IMMP2L: variants seen among roughly 807,000 people sequenced by gnomAD.
The protein encoded by IMMP2L is mitochondrial inner membrane protease subunit 2.
Under a neutral mutation model 19.3 loss-of-function variants are expected in IMMP2L, and 18 were observed. The ratio of observed to expected loss-of-function variants is 0.93; its 90% confidence interval spans 0.64 to 1.38. IMMP2L has a LOEUF of 1.38. Among genes scored for constraint, IMMP2L ranks in the 40% most tolerant of loss-of-function variants. The pLI is 0.00. For synonymous variants in IMMP2L, 76 were observed against 73.0 expected (o/e 1.04, Z -0.21); for missense variants, 233 against 218.2 (o/e 1.07, Z -0.43).
chr7:110,770,827 G>T (rs1487117614), intron 5 of IMMP2L, among the ~76,000 whole-genome samples: 1 of 152,130 alleles, frequency 6.6e-6, no homozygotes, highest in East Asian at 1.9e-4. Flanking sequence ...AGGAAGACTT[G>T]GGGTTCCTGT....
At chr7:110,776,376 TTCCATGAACGAG>T (rs1799389719) in intron 5 of IMMP2L, among the ~76,000 whole-genome samples, 1 of 151,988 alleles carries the variant, frequency 6.6e-6, no homozygotes, top group Non-Finnish European at 1.5e-5. Flanking sequence ...TATCTCTACG[TTCCATGAACGAG>T]AGTCCAGCAG....
At chr7:111,354,442 A>G (rs74503111) in intron 3 of IMMP2L, among the ~76,000 whole-genome samples, 4,875 of 152,018 alleles carry the variant, frequency 0.032, 259 homozygotes, top group African/African-American at 0.11. Context: ...GGAAATAGAC[A>G]GGAAAAATCT....
rs554847809 is a variant in IMMP2L, at chr7:110,851,667, C to T, written c.408+34926G>A. The stretch of plus-strand genomic sequence containing the variant: ...AAATGAGGCAAGAAAGCCACTTACC[C>T]TCTAGGATTGAACTAACTCACAAAA... On this transcript the variant is annotated intron_variant, in intron 5 of 5. Coordinates refer to ENST00000405709, the MANE Select transcript of IMMP2L (RefSeq NM_032549.4). Among the ~76,000 whole-genome samples, 10 of 152,198 alleles carry T rather than the reference C, an allele frequency of 6.6e-5. No individual in the cohort carries two copies. The South Asian group carries it at 1.2e-3, about 19-fold the overall frequency.
Position 111,231,669 on chromosome 7 carries a change from T to C in IMMP2L, c.239+255569A>G, listed in dbSNP as rs535300208. 1.4e-3 allele frequency among the ~76,000 whole-genome samples: 217 copies of C among 152,074 alleles called. 2 individuals carry two copies. Among genetic ancestry groups the C allele is most frequent in the Non-Finnish European group, 1.9e-3 (131 of 67,968 alleles). On this transcript the variant is annotated intron_variant, in intron 3 of 5. Transcript: ENST00000405709. ...TATTTTATCTACCAAGAGCAACACA[T>C]ATGTTAGGGGCTTAGTAAATATTTT... is the stretch of plus-strand genomic sequence containing the variant.
At chr7:110,795,005 G>C (rs971960977) in intron 5 of IMMP2L, among the ~76,000 whole-genome samples, 2 of 152,036 alleles carry the variant, frequency 1.3e-5, no homozygotes, top group African/African-American at 4.8e-5. Context: ...CTTTCCTCTG[G>C]TTCAGATACA....
rs1452022759 is a variant in IMMP2L, at chr7:111,240,410, T to C, written c.239+246828A>G. 2.6e-5 allele frequency among the ~76,000 whole-genome samples: 4 copies of C among 152,000 alleles called. No individual in the cohort carries two copies. In the East Asian group the frequency reaches 7.7e-4, roughly 29 times the overall value. ...AGGCTGTCTTTATTAGTGTTAGAGATGTTTACAACACAGTCAATTTTTAAA... is the reference window on the plus strand; with the variant it reads ...AGGCTGTCTTTATTAGTGTTAGAGACGTTTACAACACAGTCAATTTTTAAA... On this transcript the variant is annotated intron_variant, in intron 3 of 5. Transcript: ENST00000405709.
intron 4 of IMMP2L, among the ~76,000 whole-genome samples, chr7:110,955,120 T>C (rs1013547775): frequency 1.3e-5 from 2 of 152,014 alleles, no homozygotes; most frequent in East Asian, 3.9e-4. Context: ...AGACTATATA[T>C]GAACTTAAGG....
intron 3 of IMMP2L, among the ~76,000 whole-genome samples, chr7:111,396,854 G>A (rs1435776844): frequency 6.6e-6 from 1 of 152,068 alleles, no homozygotes; most frequent in Non-Finnish European, 1.5e-5. Flanking sequence ...GGAGGCCGAG[G>A]AGGGCGGATC....
intron 5 of IMMP2L, among the ~76,000 whole-genome samples, chr7:110,873,363 G>A (rs1438050006): frequency 7.2e-6 from 1 of 138,600 alleles, no homozygotes; most frequent in Non-Finnish European, 1.5e-5. Flanking sequence ...CAGAGGAACA[G>A]GTTTCAGTGA....
rs143868639 is a variant in IMMP2L at position 110,742,461 on chromosome 7, C to T, written c.409-78740G>A. 1.6e-3 allele frequency among the ~76,000 whole-genome samples: 249 copies of T among 152,090 alleles called. 2 individuals carry two copies. Among genetic ancestry groups the T allele is most frequent in the African/African-American group, 5.6e-3 (234 of 41,492 alleles). On this transcript the variant is annotated intron_variant, in intron 5 of 5. Coordinates refer to ENST00000405709, the MANE Select transcript of IMMP2L (RefSeq NM_032549.4). The stretch of plus-strand genomic sequence containing the variant: ...TACAGCCATGCAATGAAACACTATG[C>T]GACTATTAAAAATTATACTTTCAAC...
chr7:111,036,330 C>T (rs1791352296), intron 3 of IMMP2L, among the ~76,000 whole-genome samples: 2 of 152,160 alleles, frequency 1.3e-5, no homozygotes, highest in South Asian at 4.1e-4. Flanking sequence ...TCCCAGAAAG[C>T]CCCAGGTAAG....
chr7:111,456,303 T>C (rs144378079), intron 3 of IMMP2L, among the ~76,000 whole-genome samples: 3,126 of 152,026 alleles, frequency 0.021, 104 homozygotes, highest in African/African-American at 0.071. Context: ...AGCAAAATAA[T>C]AAAAATGAAA....
intron 3 of IMMP2L, among the ~76,000 whole-genome samples, chr7:111,095,899 C>A (rs1797349410): frequency 6.6e-6 from 1 of 151,898 alleles, no homozygotes; most frequent in South Asian, 2.1e-4. Flanking sequence ...CTCTCTCCCT[C>A]CCCTACCCCA....
rs145367381 is a variant in IMMP2L, at chr7:111,300,656, C to T, written c.239+186582G>A. On this transcript the variant is annotated intron_variant, in intron 3 of 5. Coordinates refer to ENST00000405709, the MANE Select transcript of IMMP2L (RefSeq NM_032549.4). ...ACTCCAAGTCCTGACTCCGGGCAAC[C>T]ATTTCATAATTTTGTCATGTCAAGA... Among the ~76,000 whole-genome samples the T allele has an allele frequency of 9.9e-4, 151 of 152,196 alleles. 1 individual carries two copies. Among genetic ancestry groups the T allele is most frequent in the African/African-American group, 3.4e-3 (142 of 41,536 alleles).
chr7:111,065,901 T>TGC (rs1794446640), intron 3 of IMMP2L, among the ~76,000 whole-genome samples: 1 of 2,368 alleles, frequency 4.2e-4, no homozygotes, highest in Non-Finnish European at 6.7e-3. Flanking sequence ...CCTAATACAA[T>TGC]GTGTGTGTGT....
chr7:110,767,274 A>G (rs1298479348), intron 5 of IMMP2L, among the ~76,000 whole-genome samples: 2 of 152,176 alleles, frequency 1.3e-5, no homozygotes, highest in Non-Finnish European at 2.9e-5. Flanking sequence ...AGACACAAGC[A>G]AACAGAACCA....
chr7:111,510,340 GTCC>G (rs1423398915), intron 2 of IMMP2L, among the ~76,000 whole-genome samples: 1 of 151,958 alleles, frequency 6.6e-6, no homozygotes, highest in Non-Finnish European at 1.5e-5. Context: ...GCGGCATCGT[GTCC>G]TCAACTGGAT....
chr7:110,805,833 T>A lies in IMMP2L; in HGVS notation c.408+80760A>T, dbSNP rs1209876447. Among the ~76,000 whole-genome samples the A allele has an allele frequency of 3.3e-5, 5 of 152,128 alleles. No homozygotes were observed. In the East Asian group the frequency reaches 9.7e-4, roughly 30 times the overall value. On this transcript the variant is annotated intron_variant, in intron 5 of 5. Transcript: ENST00000405709. ...TTGTGTTTTAGAGATATTTTGAAACTTTTCTAAAACCTAATGACGTGGTAT... is the reference window on the plus strand; with the variant it reads ...TTGTGTTTTAGAGATATTTTGAAACATTTCTAAAACCTAATGACGTGGTAT...
intron 5 of IMMP2L, among the ~76,000 whole-genome samples, chr7:110,755,563 C>T (rs565825651): frequency 2.7e-4 from 41 of 152,066 alleles, no homozygotes; most frequent in Non-Finnish European, 5.0e-4. Flanking sequence ...CTGTACAAGG[C>T]ATAGGGATAC....
Sources: gnomAD v4.1 joint callset for allele counts (sites outside exome capture counted in the v4.1 genomes callset) on GRCh38, gnomAD v4.1.1 for gene constraint, MANE v1.5 for transcripts, NCBI Gene and HGNC (gene_info 2026-07-23, HGNC 2026-07-21) for gene names.